Variants in PPFIBP1 observed in about 807,000 individuals in gnomAD.
The protein encoded by PPFIBP1 is PPFIB scaffold protein 1.
A neutral mutation model predicts 137.8 loss-of-function variants in PPFIBP1; 112 were observed. The observed-to-expected ratio is 0.81, with a 90% CI of 0.70 to 0.95. The LOEUF (loss-of-function observed/expected upper bound fraction) is 0.95, where lower values mean the gene tolerates loss of function less well. Among genes scored for constraint, PPFIBP1 ranks in the 40% least tolerant of loss-of-function variants. PPFIBP1 has a pLI of 0.00. For synonymous variants in PPFIBP1, 378 were observed against 417.3 expected, an observed-to-expected ratio of 0.91 and a Z score of 1.15; for missense variants, 1,083 against 1,196.6, an observed-to-expected ratio of 0.91 and a Z score of 1.40.
In PPFIBP1 at chr12:27,620,872, A is replaced by G. The variant is rs368693954; in HGVS notation, c.-35-12490A>G. Among the ~76,000 whole-genome samples, 197 of 152,208 alleles carry G rather than the reference A, an allele frequency of 1.3e-3. 1 individual carries two copies. Among genetic ancestry groups the G allele is most frequent in the African/African-American group, 4.5e-3 (188 of 41,540 alleles). ...CATAACACTTATCAATCACCTTCTC[A>G]CCTGCTATATATTTAAACTGTTTAT... On this transcript the variant is annotated intron_variant, in intron 2 of 29. Coordinates refer to ENST00000228425, the MANE Select transcript of PPFIBP1 (RefSeq NM_003622.4).
chr12:27,541,681 T>G (rs1269671564), intron 1 of PPFIBP1, among the ~76,000 whole-genome samples: 9 of 152,222 alleles, frequency 5.9e-5, no homozygotes, highest in Admixed American at 2.0e-4. Flanking sequence ...AGGTAACAAC[T>G]AGCACTTACC....
chr12:27,617,199 G>A (rs1287085425), intron 2 of PPFIBP1, among the ~76,000 whole-genome samples: 1 of 152,184 alleles, frequency 6.6e-6, no homozygotes, highest in Non-Finnish European at 1.5e-5. Flanking sequence ...ATGTTGTTCC[G>A]CAGCCTTGTT....
At chr12:27,559,462 C>T (rs553246143) in intron 1 of PPFIBP1, among the ~76,000 whole-genome samples, 54 of 152,208 alleles carry the variant, frequency 3.5e-4, no homozygotes, top group Non-Finnish European at 6.5e-4. Flanking sequence ...CCACCGTGCC[C>T]GACCCATAAT....
intron 2 of PPFIBP1, among the ~76,000 whole-genome samples, chr12:27,617,658 C>T (rs1385895047): frequency 6.6e-6 from 1 of 152,166 alleles, no homozygotes; most frequent in Non-Finnish European, 1.5e-5. Flanking sequence ...ATACCTACTA[C>T]AATGCAAATG....
intron 1 of PPFIBP1, among the ~76,000 whole-genome samples, chr12:27,566,518 G>A (rs2049687912): frequency 6.6e-6 from 1 of 152,284 alleles, no homozygotes; most frequent in Middle Eastern, 3.4e-3. Flanking sequence ...TAGTGATGGG[G>A]GACAGGGGTG....
chr12:27,578,624 T>C (rs559335557), intron 2 of PPFIBP1, among the ~76,000 whole-genome samples: 403 of 152,326 alleles, frequency 2.6e-3, no homozygotes, highest in African/African-American at 8.9e-3. Context: ...AGTTGACCCA[T>C]TAATGACCCA....
chr12:27,658,862 C>A lies in PPFIBP1; in HGVS notation c.844+14C>A. ...TCAAAGAAAAAAGTAAGGTTTGGTG[C>A]ATTTCCATCAGCCTTTACATTCACC... is the stretch of plus-strand genomic sequence containing the variant. On this transcript the variant is annotated intron_variant, in intron 10 of 29. Transcript: ENST00000228425. 6.2e-7 allele frequency: 1 copy of A among 1,610,234 alleles called. No individual in the cohort carries two copies. Among genetic ancestry groups the A allele is most frequent in the South Asian group, 1.1e-5 (1 of 90,896 alleles).
chr12:27,579,763 T>C (rs2050907429), intron 2 of PPFIBP1, among the ~76,000 whole-genome samples: 1 of 152,250 alleles, frequency 6.6e-6, no homozygotes, highest in Non-Finnish European at 1.5e-5. Flanking sequence ...AAAGTCATTT[T>C]AATTCGTGGC....
At chr12:27,559,810 C>T (rs1310636042) in intron 1 of PPFIBP1, among the ~76,000 whole-genome samples, 1 of 152,130 alleles carries the variant, frequency 6.6e-6, no homozygotes, top group Non-Finnish European at 1.5e-5. Flanking sequence ...TACATAGCAC[C>T]AATGTGGAAT....
chr12:27,551,409 C>T (rs142999859), intron 1 of PPFIBP1, among the ~76,000 whole-genome samples: 1 of 152,156 alleles, frequency 6.6e-6, no homozygotes, highest in South Asian at 2.1e-4. Context: ...CTGGCATTAG[C>T]TAGTAGGAAC....
chr12:27,677,238 C>T, intron 19 of PPFIBP1, 142 bp downstream of exon 19: 3 of 1,046,404 alleles, frequency 2.9e-6, no homozygotes, highest in South Asian at 1.5e-5. Flanking sequence ...GTTCTTTCCA[C>T]CTTCTGCTAA....
intron 4 of PPFIBP1, chr12:27,636,846 C>T (rs528925144): frequency 6.6e-6 from 1 of 152,302 alleles, no homozygotes; most frequent in South Asian, 2.1e-4. Flanking sequence ...TCGCTCCACG[C>T]CAAGCACAGT....
chr12:27,687,353 C>G, intron 24 of PPFIBP1, 32 bp from the exon 25 acceptor site: 2 of 1,610,296 alleles, frequency 1.2e-6, no homozygotes, highest in Non-Finnish European at 1.7e-6. Flanking sequence ...CAGGCCAGCA[C>G]AGTGAGCTCC....
chr12:27,623,134 T>C (rs1233552182), intron 2 of PPFIBP1, among the ~76,000 whole-genome samples: 22 of 152,122 alleles, frequency 1.4e-4, no homozygotes, highest in Admixed American at 1.4e-3. Context: ...AAAATAGAGA[T>C]AGATGAGTCT....
chr12:27,607,730 C>T (rs746777634), intron 2 of PPFIBP1, among the ~76,000 whole-genome samples: 35 of 152,186 alleles, frequency 2.3e-4, no homozygotes, highest in Non-Finnish European at 4.0e-4. Context: ...CAAATTGTTG[C>T]GGCAAGAATG....
At chr12:27,684,176 T>C (rs2061059008) in intron 24 of PPFIBP1, among the ~76,000 whole-genome samples, 1 of 152,118 alleles carries the variant, frequency 6.6e-6, no homozygotes, top group African/African-American at 2.4e-5. Flanking sequence ...TGGCACAATC[T>C]TGGCTCATGG....
intron 2 of PPFIBP1, among the ~76,000 whole-genome samples, chr12:27,605,024 G>C (rs1178007577): frequency 6.6e-6 from 1 of 152,130 alleles, no homozygotes; most frequent in Non-Finnish European, 1.5e-5. Context: ...CCATGATTCA[G>C]TCATCTCCCA....
At chr12:27,663,967 G>A (rs2059703163) in intron 11 of PPFIBP1, among the ~76,000 whole-genome samples, 1 of 152,204 alleles carries the variant, frequency 6.6e-6, no homozygotes, top group African/African-American at 2.4e-5. Context: ...AAAGACAGAA[G>A]ATGGGGGTCT....
At chr12:27,677,215 T>C (rs1003645883) in intron 19 of PPFIBP1, 119 bp downstream of exon 19, 5 of 1,269,516 alleles carry the variant, frequency 3.9e-6, no homozygotes, top group African/African-American at 2.9e-5. Flanking sequence ...AATGTAGTTC[T>C]CTATTCCGGA....
Sources: gnomAD v4.1 joint callset for allele counts (sites outside exome capture counted in the v4.1 genomes callset) on GRCh38, gnomAD v4.1.1 for gene constraint, MANE v1.5 for transcripts, NCBI Gene and HGNC (gene_info 2026-07-23, HGNC 2026-07-21) for gene names.